RPGRIP1: variants seen among roughly 807,000 people sequenced by gnomAD.
RPGRIP1 encodes RPGR interacting protein 1.
A neutral mutation model predicts 157.9 loss-of-function variants in RPGRIP1; 128 were observed. That is an observed-to-expected ratio of 0.81 (90% CI 0.70 to 0.94). The LOEUF is 0.94. Ranked by LOEUF, RPGRIP1 falls within the 40% of genes least tolerant of loss-of-function variation. The probability of loss-of-function intolerance (pLI) is 0.00; values close to 1 mark genes in which losing one functional copy is unlikely to be tolerated. For synonymous variants in RPGRIP1, 554 were observed against 571.6 expected (o/e 0.97, Z 0.44); for missense variants, 1,486 against 1,545.8 (o/e 0.96, Z 0.65).
chr14:21,286,941 G>A (rs1441499044), intron 1 of RPGRIP1, among the ~76,000 whole-genome samples: 10 of 151,696 alleles, frequency 6.6e-5, no homozygotes, highest in South Asian at 2.1e-4. Context: ...CTGGAAGGTC[G>A]CTTAAGCCTA....
At chr14:21,288,512 T>C (rs552278122) in intron 2 of RPGRIP1, among the ~76,000 whole-genome samples, 1 of 150,414 alleles carries the variant, frequency 6.6e-6, no homozygotes, top group South Asian at 2.1e-4. Flanking sequence ...AAGTTCTTTT[T>C]TTTTTTCTTT....
intron 2 of RPGRIP1, among the ~76,000 whole-genome samples, chr14:21,293,366 T>C (rs896708202): frequency 6.6e-6 from 1 of 152,160 alleles, no homozygotes; most frequent in African/African-American, 2.4e-5. Flanking sequence ...AAAAAAGTTT[T>C]TATCCTTTTC....
chr14:21,312,377 C>A, intron 9 of RPGRIP1, 56 bp from the exon 10 acceptor site: 1 of 1,264,386 alleles, frequency 7.9e-7, no homozygotes, highest in Non-Finnish European at 1.1e-6. Context: ...CAGGGGAAAT[C>A]CTGTGCAGGG....
intron 1 of RPGRIP1, among the ~76,000 whole-genome samples, chr14:21,286,521 C>G (rs1006963371): frequency 6.6e-6 from 1 of 151,656 alleles, no homozygotes; most frequent in African/African-American, 2.4e-5. Flanking sequence ...ATTGGGCTGG[C>G]TGCGGTCTGA....
intron 10 of RPGRIP1, among the ~76,000 whole-genome samples, chr14:21,314,784 G>A (rs1170197871): frequency 1.3e-5 from 2 of 151,790 alleles, no homozygotes; most frequent in Non-Finnish European, 2.9e-5. Context: ...CACTTTGAGA[G>A]GCCAAGGCAG....
rs758959479 is a variant in RPGRIP1, at chr14:21,343,130, A to G, written c.3434A>G (p.Glu1145Gly). ...SDENIKQVYV[E>G]YKFYDLPLSE... ...GAGAACATAAAACAGGTGTATGTGGAGTACAAATTCTACGACCTACCCTTG... is the reference window on the plus strand; with the variant it reads ...GAGAACATAAAACAGGTGTATGTGGGGTACAAATTCTACGACCTACCCTTG... Residue 1145 changes from glutamate (E) to glycine (G), a missense_variant, in exon 22 of 25, where the codon GAG becomes GGG. Coordinates refer to ENST00000400017, the MANE Select transcript of RPGRIP1 (RefSeq NM_020366.4). 3 of 1,613,652 alleles carry G rather than the reference A, an allele frequency of 1.9e-6. No homozygotes were observed. In the South Asian group the frequency reaches 3.3e-5, roughly 18 times the overall value.
At chr14:21,290,775 C>G (rs375126015) in intron 2 of RPGRIP1, among the ~76,000 whole-genome samples, 3,172 of 148,950 alleles carry the variant, frequency 0.021, 40 homozygotes, top group Non-Finnish European at 0.029. Context: ...GCCGAGATCG[C>G]GCCACTGCAC....
intron 2 of RPGRIP1, among the ~76,000 whole-genome samples, chr14:21,291,630 G>T (rs1285058859): frequency 1.3e-5 from 2 of 151,714 alleles, no homozygotes; most frequent in East Asian, 3.9e-4. Context: ...ACCCAAGCTG[G>T]AGTGCAGTGG....
At chr14:21,289,045 G>C (rs1455895378) in intron 2 of RPGRIP1, among the ~76,000 whole-genome samples, 2 of 152,042 alleles carry the variant, frequency 1.3e-5, no homozygotes, top group Non-Finnish European at 2.9e-5. Context: ...GATATCTTTA[G>C]GGCTGGGCGC....
At chr14:21,319,515 C>T (rs1347586487) in intron 11 of RPGRIP1, among the ~76,000 whole-genome samples, 4 of 152,110 alleles carry the variant, frequency 2.6e-5, no homozygotes, top group Admixed American at 2.0e-4. Context: ...GAGCCAAGAT[C>T]GCACCACTGC....
At chr14:21,299,486 C>T (rs1880935173) in intron 3 of RPGRIP1, among the ~76,000 whole-genome samples, 2 of 152,060 alleles carry the variant, frequency 1.3e-5, no homozygotes, top group South Asian at 4.2e-4. Flanking sequence ...AGCTATTTTA[C>T]ACCTTGTTTT....
chr14:21,288,577 C>T (rs548801718), intron 2 of RPGRIP1, among the ~76,000 whole-genome samples: 12 of 151,590 alleles, frequency 7.9e-5, no homozygotes, highest in African/African-American at 2.7e-4. Context: ...TGCAGTGGCC[C>T]AATCTTGGCT....
chr14:21,303,706 T>C (rs562331238), intron 6 of RPGRIP1, among the ~76,000 whole-genome samples, 163 bp downstream of exon 6: 1 of 152,164 alleles, frequency 6.6e-6, no homozygotes, highest in South Asian at 2.1e-4. Context: ...TGGATTAACC[T>C]GCGGGCACCA....
At chr14:21,349,929 A>G (rs1289464388) in intron 24 of RPGRIP1, among the ~76,000 whole-genome samples, 1 of 152,136 alleles carries the variant, frequency 6.6e-6, no homozygotes, top group African/African-American at 2.4e-5. Context: ...GATGTCACCT[A>G]TCTTATCTGC....
At chr14:21,283,911 G>T (rs1273945910) in intron 1 of RPGRIP1, among the ~76,000 whole-genome samples, 3 of 152,142 alleles carry the variant, frequency 2.0e-5, no homozygotes, top group Non-Finnish European at 2.9e-5. Context: ...GATTATAAAC[G>T]TGAGCCACCG....
Position 21,302,589 on chromosome 14 carries a change from GTTC to G in RPGRIP1, c.587+10_587+12del. 2 of 1,519,518 alleles carry G rather than the reference GTTC, an allele frequency of 1.3e-6. No individual in the cohort carries two copies. The highest frequency in any genetic ancestry group is 1.4e-5 in the African/African-American group (1 of 73,092). 94.1% of individuals were successfully genotyped at this position (1,519,518 alleles called of 1,614,324 possible). On this transcript the variant is annotated splice_donor_region_variant and intron_variant, in intron 5 of 24. Coordinates refer to ENST00000400017, the MANE Select transcript of RPGRIP1 (RefSeq NM_020366.4). ...AGCCAGTAAACCCAGTGAACTGTGA[GTTC>G]TTCTCATTTATCCCATGTTGTTATT...
At chr14:21,350,641 G>A (rs1886157645) in intron 24 of RPGRIP1, among the ~76,000 whole-genome samples, 1 of 152,116 alleles carries the variant, frequency 6.6e-6, no homozygotes, top group South Asian at 2.1e-4. Flanking sequence ...AATAACAGCA[G>A]TCTCTATCTT....
At chr14:21,329,010 G>A (rs1413229426) in intron 19 of RPGRIP1, among the ~76,000 whole-genome samples, 1 of 152,064 alleles carries the variant, frequency 6.6e-6, no homozygotes, top group Non-Finnish European at 1.5e-5. Context: ...CAGGCATGGT[G>A]GTGTGTGCCT....
At chr14:21,293,354 C>CA (rs904019163) in intron 2 of RPGRIP1, among the ~76,000 whole-genome samples, 1 of 151,956 alleles carries the variant, frequency 6.6e-6, no homozygotes, top group African/African-American at 2.4e-5. Flanking sequence ...TCTTGGAAAT[C>CA]AAAAAAAGTT....
Sources: allele counts gnomAD v4.1 joint callset (sites outside exome capture counted in the v4.1 genomes callset), GRCh38; gene constraint gnomAD v4.1.1; transcripts MANE v1.5; gene names NCBI Gene and HGNC (gene_info 2026-07-23, HGNC 2026-07-21).